FGF12: variants seen among roughly 807,000 people sequenced by gnomAD.
The protein encoded by FGF12 is fibroblast growth factor 12B.
FGF12 carries 14 observed loss-of-function variants against 23.6 expected under a neutral mutation model. The observed-to-expected ratio is 0.59, with a 90% CI of 0.39 to 0.93. FGF12 has a LOEUF of 0.93. FGF12 is among the 40% of genes least tolerant of loss of function. The pLI is 0.00. For missense variants in FGF12, 175 were observed against 217.8 expected (o/e 0.80, Z 1.24); for synonymous variants, 62 against 77.3 (o/e 0.80, Z 1.04).
chr3:192,683,247 C>T (rs1343925941), intron 2 of FGF12, among the ~76,000 whole-genome samples: 1 of 152,146 alleles, frequency 6.6e-6, no homozygotes, highest in African/African-American at 2.4e-5. Flanking sequence ...TTGGGGATTG[C>T]GTCCTTAACC....
chr3:192,526,789 C>T (rs1002290834), intron 2 of FGF12, among the ~76,000 whole-genome samples: 4 of 152,066 alleles, frequency 2.6e-5, no homozygotes, highest in African/African-American at 4.8e-5. Context: ...CCATATGGTT[C>T]GACTGAAGAT....
intron 2 of FGF12, among the ~76,000 whole-genome samples, chr3:192,501,045 C>T (rs918153242): frequency 6.6e-6 from 1 of 152,106 alleles, no homozygotes; most frequent in East Asian, 1.9e-4. Flanking sequence ...GCATACATTT[C>T]AAAAACACAA....
At chr3:192,288,562 C>T (rs766085797) in intron 4 of FGF12, among the ~76,000 whole-genome samples, 75 of 152,098 alleles carry the variant, frequency 4.9e-4, no homozygotes, top group Non-Finnish European at 3.1e-4. Context: ...GATGATTCCA[C>T]GTTTCCACTT....
At chr3:192,551,982 T>G (rs1423019817) in intron 2 of FGF12, among the ~76,000 whole-genome samples, 2 of 152,042 alleles carry the variant, frequency 1.3e-5, no homozygotes, top group African/African-American at 4.8e-5. Flanking sequence ...ATTATTTATA[T>G]AGAGATATAT....
chr3:192,619,882 C>T (rs1052305406), intron 2 of FGF12, among the ~76,000 whole-genome samples: 33 of 152,148 alleles, frequency 2.2e-4, no homozygotes, highest in African/African-American at 7.5e-4. Context: ...TGGATTTTAG[C>T]AATGGAGTTT....
rs375004021 is a variant in FGF12 at position 192,471,786 on chromosome 3, G to A, written c.14-111248C>T. Among the ~76,000 whole-genome samples, 4 of 152,322 alleles carry A rather than the reference G, an allele frequency of 2.6e-5. No individual in the cohort carries two copies. In the East Asian group the frequency reaches 7.7e-4, roughly 29 times the overall value. ...TTTGCATGTATTGAGGACCGACTGT[G>A]GAACTGGGAAGTCTCTAAATTAGCT... On this transcript the variant is annotated intron_variant, in intron 2 of 5. Transcript: ENST00000445105.
chr3:192,684,810 A>G (rs1192729116), intron 2 of FGF12, among the ~76,000 whole-genome samples: 1 of 152,188 alleles, frequency 6.6e-6, no homozygotes, highest in African/African-American at 2.4e-5. Flanking sequence ...GTTCATTCAT[A>G]TCATAGTCTT....
At chr3:192,554,484 T>A (rs999128560) in intron 2 of FGF12, among the ~76,000 whole-genome samples, 1 of 152,198 alleles carries the variant, frequency 6.6e-6, no homozygotes, top group African/African-American at 2.4e-5. Flanking sequence ...AATGAATTTA[T>A]ATGCACAAGT....
At chr3:192,715,940 A>C (rs899815084) in intron 2 of FGF12, among the ~76,000 whole-genome samples, 2 of 152,230 alleles carry the variant, frequency 1.3e-5, no homozygotes, top group Non-Finnish European at 2.9e-5. Context: ...TCTATACGTG[A>C]TATCACTGAC....
At chr3:192,484,434 A>G (rs1438779359) in intron 2 of FGF12, among the ~76,000 whole-genome samples, 1 of 152,168 alleles carries the variant, frequency 6.6e-6, no homozygotes, top group East Asian at 1.9e-4. Context: ...GTGCATGATA[A>G]AATATGCTGA....
chr3:192,318,118 C>T (rs1716326926), intron 4 of FGF12, among the ~76,000 whole-genome samples: 2 of 152,086 alleles, frequency 1.3e-5, no homozygotes, highest in East Asian at 1.9e-4. Context: ...TTGCAAAGTC[C>T]TCCGAAGGAG....
chr3:192,550,843 C>T (rs762883657), intron 2 of FGF12, among the ~76,000 whole-genome samples: 3 of 152,102 alleles, frequency 2.0e-5, no homozygotes, highest in Non-Finnish European at 2.9e-5. Context: ...CTTTAAAATA[C>T]TCAAATATTT....
chr3:192,227,600 A>G (rs944632591), intron 4 of FGF12, among the ~76,000 whole-genome samples: 2 of 150,298 alleles, frequency 1.3e-5, no homozygotes, highest in Non-Finnish European at 3.0e-5. Flanking sequence ...AAAAAAAAAG[A>G]AAAAAGAAAA....
chr3:192,283,572 A>C (rs956290734), intron 4 of FGF12, among the ~76,000 whole-genome samples: 1 of 151,924 alleles, frequency 6.6e-6, no homozygotes, highest in Non-Finnish European at 1.5e-5. Context: ...ACATGTTATC[A>C]CTCCTGGTTG....
At chr3:192,520,647 AT>A (rs552073945) in intron 2 of FGF12, among the ~76,000 whole-genome samples, 2 of 151,998 alleles carry the variant, frequency 1.3e-5, no homozygotes, top group Non-Finnish European at 2.9e-5. Context: ...TACTTAAATT[AT>A]TTTTTTTATT....
chr3:192,445,462 C>T (rs1722325220), intron 2 of FGF12, among the ~76,000 whole-genome samples: 1 of 152,198 alleles, frequency 6.6e-6, no homozygotes, highest in African/African-American at 2.4e-5. Flanking sequence ...TATAGCCCAG[C>T]TTCCTAGAGC....
rs1560175412 is a variant in FGF12, at chr3:192,167,730, G to GGT, written c.427+2726_427+2727dup. Reference sequence around the variant, plus strand: ...GCTAAAATTAGGAGGGTAGGTTATAGGTATATATATATATATATATATATA... The same window carrying GGT: ...GCTAAAATTAGGAGGGTAGGTTATAGGTGTATATATATATATATATATATATA... On this transcript the variant is annotated intron_variant, in intron 5 of 5. Transcript: ENST00000445105. Among the ~76,000 whole-genome samples the GGT allele has an allele frequency of 3.7e-3, 126 of 33,660 alleles. 2 individuals are homozygous for GGT. The highest frequency in any genetic ancestry group is 0.019 in the African/African-American group (112 of 5,780). The allele number at this position is 33,660 out of a possible 152,430, so 22.1% of individuals were successfully genotyped here.
intron 2 of FGF12, among the ~76,000 whole-genome samples, chr3:192,556,316 A>G (rs1275721744): frequency 2.6e-5 from 4 of 152,330 alleles, no homozygotes; most frequent in Middle Eastern, 3.4e-3. Context: ...CTGAAAGTGA[A>G]GAGATGGAAA....
At chr3:192,147,721 G>C (rs955719175) in intron 5 of FGF12, among the ~76,000 whole-genome samples, 1 of 152,020 alleles carries the variant, frequency 6.6e-6, no homozygotes, top group African/African-American at 2.4e-5. Flanking sequence ...TAGTGGCAGG[G>C]CCAGGATGAA....
Sources: allele counts gnomAD v4.1 joint callset (sites outside exome capture counted in the v4.1 genomes callset), GRCh38; gene constraint gnomAD v4.1.1; transcripts MANE v1.5; gene names NCBI Gene and HGNC (gene_info 2026-07-23, HGNC 2026-07-21).